The following DPYSL5 variants were observed in gnomAD, a reference collection of about 807,000 sequenced individuals.
The protein encoded by DPYSL5 is dihydropyrimidinase-related protein 5.
Under a neutral mutation model 58.4 loss-of-function variants are expected in DPYSL5, and 9 were observed. That is an observed-to-expected ratio of 0.15 (90% CI 0.09 to 0.27). The LOEUF (loss-of-function observed/expected upper bound fraction) is 0.27. Among genes scored for constraint, DPYSL5 ranks in the 10% least tolerant of loss-of-function variants. DPYSL5 has a pLI of 1.00. For missense variants in DPYSL5, 499 were observed against 770.6 expected, an observed-to-expected ratio of 0.65 and a Z score of 4.17; for synonymous variants, 293 against 301.9, an observed-to-expected ratio of 0.97 and a Z score of 0.31.
intron 1 of DPYSL5, among the ~76,000 whole-genome samples, chr2:26,876,075 C>T (rs1392151879): frequency 4.6e-5 from 7 of 152,208 alleles, no homozygotes; most frequent in Admixed American, 4.6e-4. Flanking sequence ...CTTTTTCAGA[C>T]TCAACCATCA....
At chr2:26,871,419 A>G (rs1228814548) in intron 1 of DPYSL5, among the ~76,000 whole-genome samples, 1 of 152,086 alleles carries the variant, frequency 6.6e-6, no homozygotes, top group African/African-American at 2.4e-5. Context: ...TTTAACTTAA[A>G]TTTTTGAAAG....
At chr2:26,878,040 G>T (rs1383255507) in intron 1 of DPYSL5, among the ~76,000 whole-genome samples, 1 of 152,192 alleles carries the variant, frequency 6.6e-6, no homozygotes, top group Non-Finnish European at 1.5e-5. Flanking sequence ...TTCCTTAGGA[G>T]GAATTCTTAG....
chr2:26,863,280 A>G (rs553200), intron 1 of DPYSL5, among the ~76,000 whole-genome samples: 9,000 of 152,196 alleles, frequency 0.059, 649 homozygotes, highest in African/African-American at 0.17. Flanking sequence ...GCCCCAGGCC[A>G]TTGGCATCCT....
chr2:26,935,952 G>A (rs560675569), intron 8 of DPYSL5, among the ~76,000 whole-genome samples: 41 of 152,222 alleles, frequency 2.7e-4, no homozygotes, highest in Non-Finnish European at 4.9e-4. Flanking sequence ...ACCTTCTACA[G>A]TATCTGAGGC....
Position 26,947,678 on chromosome 2 carries a change from T to G in DPYSL5, c.*683T>G, listed in dbSNP as rs1665524726. ...CAGGCGCGTGTAAATGGTTTTGTTT[T>G]GCACGTTTGGTTTGCGCAGTAGTTT... On this transcript the variant is annotated 3_prime_UTR_variant, in exon 13 of 13. Coordinates refer to ENST00000288699, the MANE Select transcript of DPYSL5 (RefSeq NM_020134.4). This position sits in a 1 kb window ranked among gnomAD's most constrained non-coding sequence, Gnocchi z 4.2. 6.5e-6 allele frequency: 1 copy of G among 152,920 alleles called. No homozygotes were observed. Among genetic ancestry groups the G allele is most frequent in the South Asian group, 2.1e-4 (1 of 4,832 alleles). 9.5% of individuals were successfully genotyped at this position (152,920 alleles called of 1,614,324 possible). A position where few individuals can be genotyped will look rare whatever the true frequency, so the allele number is the denominator to read the frequency against.
At chr2:26,936,597 T>C (rs1665185460) in intron 8 of DPYSL5, among the ~76,000 whole-genome samples, 1 of 152,174 alleles carries the variant, frequency 6.6e-6, no homozygotes, top group African/African-American at 2.4e-5. Context: ...TTACATTATG[T>C]AAATAAATAT....
chr2:26,888,212 T>C (rs1193399366), intron 1 of DPYSL5, among the ~76,000 whole-genome samples: 1 of 75,494 alleles, frequency 1.3e-5, no homozygotes, highest in Admixed American at 1.3e-4. Context: ...CCCTTTCTTT[T>C]CTTTCTTTCT....
chr2:26,870,379 A>G (rs1663229619), intron 1 of DPYSL5, among the ~76,000 whole-genome samples: 1 of 152,162 alleles, frequency 6.6e-6, no homozygotes, highest in Non-Finnish European at 1.5e-5. Context: ...TCCATGATGA[A>G]TTGTCCTTGG....
intron 5 of DPYSL5, among the ~76,000 whole-genome samples, chr2:26,928,773 G>A (rs1456509204): frequency 3.0e-5 from 4 of 133,796 alleles, no homozygotes; most frequent in Non-Finnish European, 6.4e-5. Context: ...GTGTGTGTGT[G>A]TGTATAGCAT....
At position 26,944,625 on chromosome 2, in the gene DPYSL5, GTTC is replaced by G. The variant is rs756076244; in HGVS notation, c.1441-26_1441-24del. On this transcript the variant is annotated intron_variant, in intron 11 of 12. Coordinates refer to ENST00000288699, the MANE Select transcript of DPYSL5 (RefSeq NM_020134.4). The surrounding 1 kb of genome is among the most constrained non-coding windows in gnomAD (Gnocchi z 4.4). ...CACTCAGCTCTGATGGTGTTGTCCT[GTTC>G]TTCTGCTCTTCTTCCATCCTTCCCT... is the stretch of plus-strand genomic sequence containing the variant. 5 of 1,608,396 alleles carry G rather than the reference GTTC, an allele frequency of 3.1e-6. No homozygotes were observed. Among genetic ancestry groups the G allele is most frequent in the East Asian group, 2.2e-5 (1 of 44,844 alleles).
At position 26,934,227 on chromosome 2, in the gene DPYSL5, G is replaced by A. The variant is rs560858783; in HGVS notation, c.791-351G>A. Among the ~76,000 whole-genome samples, 4 of 152,246 alleles carry A rather than the reference G, an allele frequency of 2.6e-5. No homozygotes were observed. The highest frequency in any genetic ancestry group is 3.9e-4 in the East Asian group (2 of 5,178). On this transcript the variant is annotated intron_variant, in intron 7 of 12. Transcript: ENST00000288699. The surrounding 1 kb of genome is among the most constrained non-coding windows in gnomAD (Gnocchi z 4.3). ...AAAACAGTCTAGACTGCTCTTTAGC[G>A]TGGCATTCGTGGCCCTGCATGCCTG...
At chr2:26,862,293 T>C (rs1378762740) in intron 1 of DPYSL5, among the ~76,000 whole-genome samples, 1 of 152,234 alleles carries the variant, frequency 6.6e-6, no homozygotes, top group Non-Finnish European at 1.5e-5. Context: ...CCTCAGCAAG[T>C]TGGTTATCAA....
chr2:26,886,225 C>A (rs1237213505), intron 1 of DPYSL5, among the ~76,000 whole-genome samples: 1 of 152,154 alleles, frequency 6.6e-6, no homozygotes, highest in Non-Finnish European at 1.5e-5. Context: ...ACAGCTGTGA[C>A]CTTTTCTTTT....
intron 2 of DPYSL5, among the ~76,000 whole-genome samples, chr2:26,902,171 G>C (rs1572697287): frequency 1.3e-5 from 2 of 152,190 alleles, no homozygotes; most frequent in East Asian, 3.9e-4. Context: ...GGGGTGGCAG[G>C]GGGAGAGGGA....
intron 1 of DPYSL5, among the ~76,000 whole-genome samples, chr2:26,857,658 A>G (rs943706014): frequency 1.3e-5 from 2 of 152,220 alleles, no homozygotes; most frequent in African/African-American, 4.8e-5. Flanking sequence ...CTTATTTCTT[A>G]TAATAATTTC....
intron 1 of DPYSL5, among the ~76,000 whole-genome samples, chr2:26,895,037 A>G (rs1350206372): frequency 2.6e-5 from 4 of 152,240 alleles, no homozygotes; most frequent in East Asian, 3.8e-4. Flanking sequence ...TCCAACACCA[A>G]TTGTTGAAAA....
At chr2:26,893,022 T>C (rs1663927945) in intron 1 of DPYSL5, among the ~76,000 whole-genome samples, 1 of 152,184 alleles carries the variant, frequency 6.6e-6, no homozygotes, top group Non-Finnish European at 1.5e-5. Context: ...CCCCACGGCC[T>C]CTCTGCCCTG....
rs1558336920 is a variant in DPYSL5 at position 26,898,464 on chromosome 2, C to CT, written c.-4-29dup. The CT allele has an allele frequency of 1.9e-6, 3 of 1,604,858 alleles. No homozygotes were observed. Among genetic ancestry groups the CT allele is most frequent in the Non-Finnish European group, 2.6e-6 (3 of 1,174,052 alleles). ...GGAAACTGGAAACAGTGAGAAGGGA[C>CT]TTTGACCTTGACCATGCTCACCTTC... On this transcript the variant is annotated intron_variant, in intron 1 of 12. Coordinates refer to ENST00000288699, the MANE Select transcript of DPYSL5 (RefSeq NM_020134.4). This position sits in a 1 kb window ranked among gnomAD's most constrained non-coding sequence, Gnocchi z 6.1.
At chr2:26,872,642 A>G (rs758696399) in intron 1 of DPYSL5, among the ~76,000 whole-genome samples, 5 of 152,012 alleles carry the variant, frequency 3.3e-5, no homozygotes, top group Non-Finnish European at 7.4e-5. Flanking sequence ...GTGAGCCAAG[A>G]TCATGCCACT....
Sources: gnomAD v4.1 joint callset for allele counts (sites outside exome capture counted in the v4.1 genomes callset) on GRCh38, gnomAD v4.1.1 for gene constraint, Gnocchi (gnomAD v3.1) non-coding constraint, MANE v1.5 for transcripts, NCBI Gene and HGNC (gene_info 2026-07-23, HGNC 2026-07-21) for gene names.